Variants in TUBA1C observed in about 807,000 individuals in gnomAD.
TUBA1C encodes the protein tubulin alpha 1c, also known as tubulin alpha-1C chain.
TUBA1C carries 16 observed loss-of-function variants against 34.9 expected under a neutral mutation model. That is an observed-to-expected ratio of 0.46 (90% CI 0.31 to 0.70). The LOEUF is 0.70. Ranked by LOEUF, TUBA1C falls within the 30% of genes least tolerant of loss-of-function variation. The probability of loss-of-function intolerance (pLI) is 0.05; values close to 1 mark genes in which losing one functional copy is unlikely to be tolerated. For synonymous variants in TUBA1C, 177 were observed against 215.9 expected (o/e 0.82, Z 1.58); for missense variants, 329 against 587.3 (o/e 0.56, Z 4.55).
At chr12:49,240,076 A>ACACACACACC (rs1491382164) in intron 1 of TUBA1C, among the ~76,000 whole-genome samples, 1 of 128,534 alleles carries the variant, frequency 7.8e-6, no homozygotes, top group African/African-American at 2.8e-5. Context: ...ACACACACAC[A>ACACACACACC]CCCTGCCTTT....
Position 49,246,016 on chromosome 12 carries a change from T to C in TUBA1C, c.213+17850T>C, listed in dbSNP as rs57052015. 9.7e-3 allele frequency among the ~76,000 whole-genome samples: 1,477 copies of C among 152,278 alleles called. 27 individuals are homozygous for C. The highest frequency in any genetic ancestry group is 0.035 in the African/African-American group (1,436 of 41,572). On this transcript the variant is annotated intron_variant, in intron 1 of 3. Coordinates refer to the TUBA1C transcript ENST00000541364. ...GCGTCCCAAGTTCAAGCAATTCTCCTGCCTCAGCCTCCCAAGTAGCTGGGA... is the reference window on the plus strand; with the variant it reads ...GCGTCCCAAGTTCAAGCAATTCTCCCGCCTCAGCCTCCCAAGTAGCTGGGA...
At chr12:49,255,039 C>T (rs1942769616) in intron 1 of TUBA1C, among the ~76,000 whole-genome samples, 1 of 152,066 alleles carries the variant, frequency 6.6e-6, no homozygotes, top group African/African-American at 2.4e-5. Flanking sequence ...ACCACTTCAG[C>T]CTCCCAAATT....
rs528740349 is a variant in TUBA1C at position 49,230,836 on chromosome 12, C to T, written c.213+2670C>T. On this transcript the variant is annotated intron_variant, in intron 1 of 3. Transcript: ENST00000541364. ...GAAAGCATTGGAAACTGACTGAGAGCTGGACTCAAGTCCTGATGTGGACAC... is the reference window on the plus strand; with the variant it reads ...GAAAGCATTGGAAACTGACTGAGAGTTGGACTCAAGTCCTGATGTGGACAC... 3.9e-5 allele frequency among the ~76,000 whole-genome samples: 6 copies of T among 152,320 alleles called. No individual in the cohort carries two copies. In the East Asian group the frequency reaches 1.2e-3, roughly 29 times the overall value.
Position 49,265,098 on chromosome 12 carries a change from A to C in TUBA1C, c.-84A>C. On this transcript the variant is annotated 5_prime_UTR_variant, in exon 1 of 4. Transcript: ENST00000301072. ...CACCCTTTCACTACTTCTCCCCCGGACTCCTTGGTAGTCTGTTAGTGGGAG... is the reference window on the plus strand; with the variant it reads ...CACCCTTTCACTACTTCTCCCCCGGCCTCCTTGGTAGTCTGTTAGTGGGAG... The C allele has an allele frequency of 6.7e-7, 1 of 1,495,010 alleles. No homozygotes were observed. The highest frequency in any genetic ancestry group is 9.0e-7 in the Non-Finnish European group (1 of 1,108,998). The allele number at this position is 1,495,010 out of a possible 1,614,324, so 92.6% of individuals were successfully genotyped here.
chr12:49,271,045 C>T (rs1311803293), intron 3 of TUBA1C, among the ~76,000 whole-genome samples: 1 of 152,152 alleles, frequency 6.6e-6, no homozygotes, highest in Admixed American at 6.5e-5. Flanking sequence ...AAATCAGGGA[C>T]CTGCCTTTAG....
chr12:49,252,800 C>T (rs1592279638), intron 1 of TUBA1C, among the ~76,000 whole-genome samples: 1 of 152,266 alleles, frequency 6.6e-6, no homozygotes, highest in East Asian at 1.9e-4. Flanking sequence ...GTAGTCCCAG[C>T]TACTCGGGAG....
At chr12:49,256,288 T>G (rs1034794962) in intron 1 of TUBA1C, 1 of 339,692 alleles carries the variant, frequency 2.9e-6, no homozygotes, top group South Asian at 2.2e-5. Flanking sequence ...GAAACAACTT[T>G]GGTTTATTAT....
rs763137974 is a variant in TUBA1C, at chr12:49,265,155, C to T, written c.-27C>T. On this transcript the variant is annotated 5_prime_UTR_variant, in exon 1 of 4. Transcript: ENST00000301072. ...GTTGCCGTCCCTTCGCCTCCTTCAC[C>T]GCCGCAGACCCCTTCAAGTTCTAGT... 8.8e-6 allele frequency: 14 copies of T among 1,598,616 alleles called. No individual in the cohort carries two copies. Among genetic ancestry groups the T allele is most frequent in the Middle Eastern group, 1.7e-4 (1 of 5,972 alleles).
At chr12:49,232,454 C>T (rs1942507436) in intron 1 of TUBA1C, among the ~76,000 whole-genome samples, 1 of 151,654 alleles carries the variant, frequency 6.6e-6, no homozygotes, top group Non-Finnish European at 1.5e-5. Context: ...TCAGCCCAGG[C>T]AGCAGATGCT....
intron 1 of TUBA1C, among the ~76,000 whole-genome samples, chr12:49,238,986 C>T (rs1022714024): frequency 6.6e-6 from 1 of 152,134 alleles, no homozygotes; most frequent in Non-Finnish European, 1.5e-5. Context: ...AACCATTGGC[C>T]ATTTGATGGT....
At chr12:49,265,281 G>T in intron 1 of TUBA1C, 97 bp downstream of exon 1, 2 of 997,670 alleles carry the variant, frequency 2.0e-6, no homozygotes, top group South Asian at 1.9e-5. Flanking sequence ...GCCCAGGACA[G>T]CTCCAGACTA....
chr12:49,250,523 CAAAA>C (rs562107706), intron 1 of TUBA1C, among the ~76,000 whole-genome samples: 1 of 54,916 alleles, frequency 1.8e-5, no homozygotes, highest in Non-Finnish European at 4.0e-5. Context: ...GACTCCGTCT[CAAAA>C]AAAAAAAAAA....
chr12:49,248,437 C>CG (rs1942696863), intron 1 of TUBA1C, among the ~76,000 whole-genome samples: 1 of 140,538 alleles, frequency 7.1e-6, no homozygotes, highest in Admixed American at 7.2e-5. Context: ...GGCGCGGTGG[C>CG]GGCGCCTATA....
At chr12:49,234,335 T>C (rs537843185) in intron 1 of TUBA1C, among the ~76,000 whole-genome samples, 1 of 152,370 alleles carries the variant, frequency 6.6e-6, no homozygotes, top group East Asian at 1.9e-4. Context: ...TTGTCTTAAA[T>C]AACAAGGACA....
chr12:49,265,245 A>G (rs750877277), intron 1 of TUBA1C, 61 bp downstream of exon 1: 32 of 1,468,926 alleles, frequency 2.2e-5, no homozygotes, highest in Non-Finnish European at 2.8e-5. Flanking sequence ...GCGGGCCCGG[A>G]AACTACTGCC....
chr12:49,251,194 T>G (rs968544989), intron 1 of TUBA1C, among the ~76,000 whole-genome samples: 1 of 152,046 alleles, frequency 6.6e-6, no homozygotes, highest in Non-Finnish European at 1.5e-5. Flanking sequence ...GGCAACAGAG[T>G]GAGACCCTGT....
At chr12:49,230,728 T>G (rs76327236) in intron 1 of TUBA1C, among the ~76,000 whole-genome samples, 2,082 of 152,248 alleles carry the variant, frequency 0.014, 24 homozygotes, top group East Asian at 0.027. Context: ...CTTCAGATAT[T>G]AGGTTGCAAG....
At chr12:49,228,059 A>G (rs1942458556) in exon 1 of TUBA1C, 1 of 1,535,666 alleles carries the variant, frequency 6.5e-7, no homozygotes, top group Non-Finnish European at 8.7e-7. Context: ...AAAACTGTAC[A>G]TCTCTAACTG....
intron 1 of TUBA1C, chr12:49,256,635 T>C (rs1204462735): frequency 4.2e-6 from 1 of 236,068 alleles, no homozygotes; most frequent in Non-Finnish European, 9.0e-6. Flanking sequence ...CCTGACTCCA[T>C]TGGAACAAAA....
Sources: allele counts gnomAD v4.1 joint callset (sites outside exome capture counted in the v4.1 genomes callset), GRCh38; gene constraint gnomAD v4.1.1; transcripts MANE v1.5; gene names NCBI Gene and HGNC (gene_info 2026-07-23, HGNC 2026-07-21).